Variants in BMPR1A observed in about 807,000 individuals in gnomAD.
The protein encoded by BMPR1A is bone morphogenetic protein receptor type-1A.
A neutral mutation model predicts 66.0 loss-of-function variants in BMPR1A; 7 were observed. That is an observed-to-expected ratio of 0.11 (90% CI 0.06 to 0.20). BMPR1A has a LOEUF of 0.20. Among genes scored for constraint, BMPR1A ranks in the 10% least tolerant of loss-of-function variants. BMPR1A has a pLI of 1.00. For missense variants in BMPR1A, 408 were observed against 669.1 expected, an observed-to-expected ratio of 0.61 and a Z score of 4.31; for synonymous variants, 200 against 229.7, an observed-to-expected ratio of 0.87 and a Z score of 1.17.
chr10:86,761,902 T>C (rs536626937), intron 1 of BMPR1A, among the ~76,000 whole-genome samples: 2 of 152,328 alleles, frequency 1.3e-5, no homozygotes, highest in South Asian at 2.1e-4. Context: ...GTTTGAGATA[T>C]CTGAAACAGC....
chr10:86,874,857 T>C (rs1486150099), intron 2 of BMPR1A, among the ~76,000 whole-genome samples: 5 of 151,250 alleles, frequency 3.3e-5, no homozygotes, highest in African/African-American at 1.2e-4. Flanking sequence ...CCTGAGTAGC[T>C]GGGATTACAG....
intron 2 of BMPR1A, among the ~76,000 whole-genome samples, chr10:86,871,093 C>T (rs548571485): frequency 6.6e-6 from 1 of 152,180 alleles, no homozygotes; most frequent in Non-Finnish European, 1.5e-5. Flanking sequence ...TCTTTGCCCA[C>T]GGTGTTCCCT....
At chr10:86,809,235 A>G (rs753467665) in intron 1 of BMPR1A, among the ~76,000 whole-genome samples, 1 of 152,140 alleles carries the variant, frequency 6.6e-6, no homozygotes, top group Non-Finnish European at 1.5e-5. Flanking sequence ...TTACAGTGTC[A>G]TGGAATTATC....
At chr10:86,818,345 A>C (rs575842948) in intron 1 of BMPR1A, among the ~76,000 whole-genome samples, 3 of 152,200 alleles carry the variant, frequency 2.0e-5, no homozygotes, top group Non-Finnish European at 4.4e-5. Flanking sequence ...GCAGATGAAG[A>C]GGTCTTCAGA....
At chr10:86,883,713 C>T (rs1019020154) in intron 3 of BMPR1A, among the ~76,000 whole-genome samples, 7 of 151,486 alleles carry the variant, frequency 4.6e-5, no homozygotes, top group African/African-American at 1.5e-4. Flanking sequence ...GAGGTTGCAG[C>T]GAGTGGAGAT....
chr10:86,829,083 C>G (rs1258687541), intron 1 of BMPR1A, among the ~76,000 whole-genome samples: 1 of 151,984 alleles, frequency 6.6e-6, no homozygotes, highest in Non-Finnish European at 1.5e-5. Flanking sequence ...GGGAAAGGGC[C>G]CTTTCCCAAC....
intron 3 of BMPR1A, among the ~76,000 whole-genome samples, chr10:86,887,123 G>A (rs1241314699): frequency 2.0e-5 from 3 of 152,006 alleles, no homozygotes; most frequent in Non-Finnish European, 2.9e-5. Context: ...GTGAGCCACC[G>A]CGCCTGGCCT....
At chr10:86,813,822 T>G (rs1001857880) in intron 1 of BMPR1A, among the ~76,000 whole-genome samples, 4 of 152,154 alleles carry the variant, frequency 2.6e-5, no homozygotes, top group Non-Finnish European at 4.4e-5. Context: ...TCTACATGGG[T>G]TCTCTCAAAC....
intron 5 of BMPR1A, among the ~76,000 whole-genome samples, chr10:86,896,766 C>A (rs1385654858): frequency 1.3e-5 from 2 of 152,200 alleles, no homozygotes; most frequent in Non-Finnish European, 2.9e-5. Flanking sequence ...TAATATATTG[C>A]AGCCATTTAA....
chr10:86,831,828 T>A (rs1842271931), intron 1 of BMPR1A, among the ~76,000 whole-genome samples: 1 of 152,210 alleles, frequency 6.6e-6, no homozygotes, highest in African/African-American at 2.4e-5. Flanking sequence ...TAGCTCATTT[T>A]ACCTACTTTT....
chr10:86,913,244 C>T (rs1054577853), intron 8 of BMPR1A, among the ~76,000 whole-genome samples: 7 of 151,874 alleles, frequency 4.6e-5, no homozygotes, highest in African/African-American at 1.7e-4. Context: ...CCGTCTCAGC[C>T]TCCGAAGTAG....
intron 2 of BMPR1A, among the ~76,000 whole-genome samples, chr10:86,875,063 C>T (rs1056421539): frequency 1.3e-5 from 2 of 151,780 alleles, no homozygotes; most frequent in Non-Finnish European, 2.9e-5. Context: ...TGATGAAGCA[C>T]CCTCTTTAAT....
chr10:86,759,638 G>A (rs967226016), intron 1 of BMPR1A, among the ~76,000 whole-genome samples: 2 of 152,120 alleles, frequency 1.3e-5, no homozygotes, highest in Non-Finnish European at 1.5e-5. Flanking sequence ...CTTGCTAACT[G>A]TGGGGCAATT....
intron 1 of BMPR1A, among the ~76,000 whole-genome samples, chr10:86,770,353 A>C (rs757072441): frequency 6.6e-6 from 1 of 152,062 alleles, no homozygotes; most frequent in Non-Finnish European, 1.5e-5. Flanking sequence ...TTGAGGCTGC[A>C]GTGAGCTATG....
At chr10:86,883,719 G>A (rs1466701192) in intron 3 of BMPR1A, among the ~76,000 whole-genome samples, 3 of 151,838 alleles carry the variant, frequency 2.0e-5, no homozygotes, top group Non-Finnish European at 4.4e-5. Context: ...GCAGCGAGTG[G>A]AGATCGTGCC....
chr10:86,841,577 C>A (rs929004044), intron 2 of BMPR1A, among the ~76,000 whole-genome samples: 3 of 152,200 alleles, frequency 2.0e-5, no homozygotes, highest in African/African-American at 7.2e-5. Flanking sequence ...AAGTGTAATA[C>A]TGTAAAATAC....
chr10:86,922,553 A>G (rs1452542423), intron 11 of BMPR1A, among the ~76,000 whole-genome samples: 1 of 152,222 alleles, frequency 6.6e-6, no homozygotes, highest in Non-Finnish European at 1.5e-5. Context: ...GCTAACATTT[A>G]TCCCAGTGAA....
Position 86,756,738 on chromosome 10 carries a change from G to A in BMPR1A, c.-449G>A, listed in dbSNP as rs1847873232. The A allele has an allele frequency of 6.6e-6, 1 of 151,626 alleles. No homozygotes were observed. The highest frequency in any genetic ancestry group is 1.5e-5 in the Non-Finnish European group (1 of 67,780). The allele number at this position is 151,626 out of a possible 1,614,324, so 9.4% of individuals were successfully genotyped here. A position where few individuals can be genotyped will look rare whatever the true frequency, so the allele number is the denominator to read the frequency against. On this transcript the variant is annotated 5_prime_UTR_variant, in exon 1 of 13. Transcript: ENST00000372037. ...AGGAGGGCCAAGGGCGGGCAGGAAG[G>A]CTTAGGCTCGGCGCGTCCGTCCGCG... is the stretch of plus-strand genomic sequence containing the variant.
chr10:86,860,935 G>A (rs1258370025), intron 2 of BMPR1A, among the ~76,000 whole-genome samples: 42 of 146,440 alleles, frequency 2.9e-4, no homozygotes, highest in Middle Eastern at 3.4e-3. Context: ...TCCACCTCCC[G>A]GGTTCATGCC....
Sources: gnomAD v4.1 joint callset for allele counts (sites outside exome capture counted in the v4.1 genomes callset) on GRCh38, gnomAD v4.1.1 for gene constraint, MANE v1.5 for transcripts, NCBI Gene and HGNC (gene_info 2026-07-23, HGNC 2026-07-21) for gene names.